The following TNFSF13B variants were observed in gnomAD, a reference collection of about 807,000 sequenced individuals.
The protein encoded by TNFSF13B is tumor necrosis factor ligand superfamily member 13B.
TNFSF13B carries 8 observed loss-of-function variants against 29.1 expected under a neutral mutation model. That is an observed-to-expected ratio of 0.27 (90% CI 0.16 to 0.50). TNFSF13B has a LOEUF of 0.50. TNFSF13B is among the 20% of genes least tolerant of loss of function. The pLI is 0.98. For missense variants in TNFSF13B, 248 were observed against 334.9 expected, an observed-to-expected ratio of 0.74 and a Z score of 2.03; for synonymous variants, 125 against 130.8, an observed-to-expected ratio of 0.96 and a Z score of 0.30.
chr13:108,282,256 T>A (rs998047489), intron 2 of TNFSF13B, among the ~76,000 whole-genome samples: 5 of 151,986 alleles, frequency 3.3e-5, no homozygotes, highest in African/African-American at 1.2e-4. Flanking sequence ...ATGCTCTGTG[T>A]GTAATGTTTT....
At chr13:108,299,790 A>G (rs1258748961) in intron 3 of TNFSF13B, among the ~76,000 whole-genome samples, 3 of 152,014 alleles carry the variant, frequency 2.0e-5, no homozygotes, top group Non-Finnish European at 1.5e-5. Context: ...GTGTGTGTGG[A>G]TGTTGGAGGA....
At chr13:108,293,219 A>T (rs1328957078) in intron 3 of TNFSF13B, among the ~76,000 whole-genome samples, 1 of 152,130 alleles carries the variant, frequency 6.6e-6, no homozygotes, top group African/African-American at 2.4e-5. Context: ...CTTGTTAAAA[A>T]TCAGTTGTAC....
At chr13:108,275,056 T>C (rs1282495521) in intron 2 of TNFSF13B, among the ~76,000 whole-genome samples, 1 of 152,196 alleles carries the variant, frequency 6.6e-6, no homozygotes, top group Non-Finnish European at 1.5e-5. Context: ...TTTCATAATA[T>C]CATTTTTGAT....
At chr13:108,281,782 A>G (rs182300518) in intron 2 of TNFSF13B, among the ~76,000 whole-genome samples, 6 of 152,346 alleles carry the variant, frequency 3.9e-5, no homozygotes, top group Middle Eastern at 3.4e-3. Flanking sequence ...TCGTTGGTCA[A>G]CCTTATAAAC....
At chr13:108,278,665 CTCTCCTCCTCTCCTCCTTT>C (rs1880839290) in intron 2 of TNFSF13B, among the ~76,000 whole-genome samples, 1 of 51,008 alleles carries the variant, frequency 2.0e-5, no homozygotes, top group African/African-American at 6.7e-5. Context: ...TCTCCTCCTC[CTCTCCTCCTCTCCTCCTTT>C]CCTCCTCCTC....
chr13:108,293,690 G>C (rs944186434), intron 3 of TNFSF13B, among the ~76,000 whole-genome samples: 2 of 152,138 alleles, frequency 1.3e-5, no homozygotes, highest in Non-Finnish European at 2.9e-5. Context: ...ATGCTGTTTA[G>C]TCAGTTCAGT....
chr13:108,304,251 G>C (rs546171449), intron 5 of TNFSF13B, among the ~76,000 whole-genome samples: 16 of 152,048 alleles, frequency 1.1e-4, no homozygotes, highest in South Asian at 4.2e-4. Context: ...AAATACAGGT[G>C]ACATCTTGTG....
At chr13:108,289,988 C>G (rs1228167419) in intron 3 of TNFSF13B, among the ~76,000 whole-genome samples, 3 of 152,010 alleles carry the variant, frequency 2.0e-5, no homozygotes, top group Non-Finnish European at 4.4e-5. Flanking sequence ...GTGGATTGCT[C>G]CTTTTCCCAT....
In TNFSF13B at chr13:108,284,307, C is replaced by A. The variant is rs575778053; in HGVS notation, c.425-2496C>A. Among the ~76,000 whole-genome samples the A allele has an allele frequency of 5.9e-5, 9 of 151,576 alleles. No individual in the cohort carries two copies. The East Asian group carries it at 1.6e-3, about 26-fold the overall frequency. On this transcript the variant is annotated intron_variant, in intron 2 of 5. Coordinates refer to ENST00000375887, the MANE Select transcript of TNFSF13B (RefSeq NM_006573.5). ...TCGCGCCACTGCACTCCAGCCTGGG[C>A]GACAGAGCGAGACTCCGTCTCAAAA... is the stretch of plus-strand genomic sequence containing the variant.
intron 3 of TNFSF13B, among the ~76,000 whole-genome samples, chr13:108,299,255 T>C (rs1881544577): frequency 6.9e-6 from 1 of 145,950 alleles, no homozygotes; most frequent in Admixed American, 6.8e-5. Context: ...TGATTCGCTA[T>C]TGAGTATTAA....
chr13:108,307,806 T>C lies in TNFSF13B; in HGVS notation c.*868T>C, dbSNP rs1881821562. ...CATACTAATGTAATGTAATTTCCCT[T>C]TATTTCTTGCTCTTCTGTTTCAAAC... On this transcript the variant is annotated 3_prime_UTR_variant, in exon 6 of 6. Transcript: ENST00000375887. 6.6e-6 allele frequency: 1 copy of C among 152,106 alleles called. No homozygotes were observed. 9.4% of individuals were successfully genotyped at this position (152,106 alleles called of 1,614,324 possible).
At chr13:108,285,212 A>AGG (rs1555312347) in intron 2 of TNFSF13B, among the ~76,000 whole-genome samples, 1 of 152,158 alleles carries the variant, frequency 6.6e-6, no homozygotes, top group South Asian at 2.1e-4. Flanking sequence ...TTTAAATACC[A>AGG]AGAATTTCTT....
At chr13:108,298,722 A>G (rs373245251) in intron 3 of TNFSF13B, among the ~76,000 whole-genome samples, 1 of 145,714 alleles carries the variant, frequency 6.9e-6, no homozygotes, top group East Asian at 1.9e-4. Context: ...CATGCCTGTA[A>G]TCCCAGCACT....
At chr13:108,278,344 T>A (rs973111123) in intron 2 of TNFSF13B, among the ~76,000 whole-genome samples, 16 of 152,066 alleles carry the variant, frequency 1.1e-4, no homozygotes, top group Middle Eastern at 3.4e-3. Context: ...CTGAAGTGGG[T>A]TTGAAGATGG....
chr13:108,287,643 C>T (rs1007737000), intron 3 of TNFSF13B, among the ~76,000 whole-genome samples: 6 of 152,020 alleles, frequency 3.9e-5, no homozygotes, highest in African/African-American at 1.2e-4. Context: ...TATGAATTCT[C>T]CTGTTATATT....
In TNFSF13B at chr13:108,306,859, A is replaced by C; in HGVS notation, c.779A>C (p.Gln260Pro). The part of the protein sequence containing the change: ...IAKLEEGDEL[Q>P]LAIPRENAQI... ...AAACTGGAAGAAGGAGATGAACTCC[A>C]ACTTGCAATACCAAGAGAAAATGCA... Residue 260 changes from glutamine to proline, a missense_variant, in exon 6 of 6, where the codon CAA becomes CCA. By Grantham distance (76) the Gln-to-Pro change is moderately conservative (BLOSUM62 -1). Around this residue, in one of 2 missense-constraint regions of TNFSF13B, gnomAD observed 62 missense variants for 138.6 expected, o/e 0.45. Coordinates refer to ENST00000375887, the MANE Select transcript of TNFSF13B (RefSeq NM_006573.5). The C allele has an allele frequency of 6.2e-7, 1 of 1,611,380 alleles. No homozygotes were observed. The highest frequency in any genetic ancestry group is 8.5e-7 in the Non-Finnish European group (1 of 1,178,454).
In TNFSF13B at chr13:108,287,513, A is replaced by C. The variant is rs181543673; in HGVS notation, c.481+654A>C. ...GGAGAATGACCTTAGAGGCACGAAT[A>C]CTTAGAAATGTTAAATAATTAAACT... On this transcript the variant is annotated intron_variant, in intron 3 of 5. Coordinates refer to ENST00000375887, the MANE Select transcript of TNFSF13B (RefSeq NM_006573.5). 6.6e-5 allele frequency among the ~76,000 whole-genome samples: 10 copies of C among 152,324 alleles called. No homozygotes were observed. In the East Asian group the frequency reaches 1.9e-3, roughly 29 times the overall value.
chr13:108,301,610 G>T (rs1230864274), intron 3 of TNFSF13B, among the ~76,000 whole-genome samples: 2 of 152,294 alleles, frequency 1.3e-5, no homozygotes, highest in East Asian at 3.9e-4. Context: ...AAGAAGTAGA[G>T]AGTAGAATGG....
chr13:108,303,149 G>A (rs984075708), intron 3 of TNFSF13B, 104 bp from the exon 4 acceptor site: 7 of 719,438 alleles, frequency 9.7e-6, no homozygotes, highest in Non-Finnish European at 1.5e-5. Context: ...TTTTTTTTTA[G>A]GATGGAATTA....
Sources: allele counts gnomAD v4.1 joint callset (sites outside exome capture counted in the v4.1 genomes callset), GRCh38; gene constraint gnomAD v4.1.1; regional missense constraint gnomAD v4.1.1; transcripts MANE v1.5; gene names NCBI Gene and HGNC (gene_info 2026-07-23, HGNC 2026-07-21).